Variants in WDR27 observed in about 807,000 individuals in gnomAD.
WDR27 encodes the protein WD repeat domain 27.
A neutral mutation model predicts 114.4 loss-of-function variants in WDR27; 100 were observed. The ratio of observed to expected loss-of-function variants is 0.87; its 90% confidence interval spans 0.74 to 1.03. WDR27 has a LOEUF of 1.03. Among genes scored for constraint, WDR27 ranks in the 50% least tolerant of loss-of-function variants. WDR27 has a pLI of 0.00. For synonymous variants in WDR27, 449 were observed against 423.1 expected (o/e 1.06, Z -0.75); for missense variants, 1,129 against 1,092.9 (o/e 1.03, Z -0.47).
intron 6 of WDR27, chr6:169,666,513 G>A: frequency 1.0e-6 from 1 of 985,520 alleles, no homozygotes; most frequent in Non-Finnish European, 1.2e-6. Flanking sequence ...GGAAACCAGT[G>A]CCCTAAGATG....
rs982262796 is a variant in WDR27, at chr6:169,666,754, G to A, written c.712+382C>T. ...GACCATGAGGCCAGGTGTGGCGCACGCCCAAGCTCACGCTGGATGGACAGG... is the reference window on the plus strand; with the variant it reads ...GACCATGAGGCCAGGTGTGGCGCACACCCAAGCTCACGCTGGATGGACAGG... On this transcript the variant is annotated intron_variant, in intron 6 of 25. Transcript: ENST00000448612. 38 of 995,542 alleles carry A rather than the reference G, an allele frequency of 3.8e-5. No individual in the cohort carries two copies. In the South Asian group the frequency reaches 9.8e-4, roughly 26 times the overall value. The allele number at this position is 995,542 out of a possible 1,614,324, so 61.7% of individuals were successfully genotyped here.
chr6:169,457,505 C>A lies in WDR27; in HGVS notation c.*87G>T. On this transcript the variant is annotated 3_prime_UTR_variant, in exon 26 of 26. Coordinates refer to ENST00000448612, the MANE Select transcript of WDR27 (RefSeq NM_182552.5). ...ATGAAAAACAGTTGCTGCTTCTGGC[C>A]CCCTGATGGATGAACCACTACTTCT... The A allele has an allele frequency of 8.6e-7, 1 of 1,160,370 alleles. No homozygotes were observed. Among genetic ancestry groups the A allele is most frequent in the Non-Finnish European group, 1.2e-6 (1 of 832,780 alleles). The allele number at this position is 1,160,370 out of a possible 1,614,324, so 71.9% of individuals were successfully genotyped here. A position where few individuals can be genotyped will look rare whatever the true frequency, so the allele number is the denominator to read the frequency against.
At chr6:169,644,138 A>C (rs1447090575) in intron 16 of WDR27, among the ~76,000 whole-genome samples, 2 of 150,058 alleles carry the variant, frequency 1.3e-5, no homozygotes, top group African/African-American at 4.9e-5. Context: ...TGAAAAGCCT[A>C]GTTCACAGGA....
At chr6:169,445,107 C>A in the WDR27 span, among the ~76,000 whole-genome samples, 1 of 152,200 alleles carries the variant, frequency 6.6e-6, no homozygotes, top group Non-Finnish European at 1.5e-5. Context: ...GTGGTCCCAG[C>A]CCACTGAGCT....
intron 1 of WDR27, among the ~76,000 whole-genome samples, chr6:169,699,099 G>A (rs1787100154): frequency 6.6e-6 from 1 of 152,122 alleles, no homozygotes; most frequent in African/African-American, 2.4e-5. Context: ...CTTACCACAG[G>A]CTTACTCTCC....
intron 25 of WDR27, among the ~76,000 whole-genome samples, chr6:169,548,505 T>A (rs1261464885): frequency 6.6e-6 from 1 of 152,234 alleles, no homozygotes; most frequent in African/African-American, 2.4e-5. Flanking sequence ...ATACATGTAT[T>A]GAAACATCAC....
chr6:169,577,828 T>C (rs1562617604), intron 24 of WDR27, among the ~76,000 whole-genome samples: 2 of 152,158 alleles, frequency 1.3e-5, no homozygotes, highest in Admixed American at 1.3e-4. Context: ...TCTCCTCCCC[T>C]TGGGCTAGGA....
In WDR27 at chr6:169,662,367, G is replaced by C; in HGVS notation, c.962C>G (p.Thr321Arg). The change falls in exon 9 of 26, where the codon ACA (threonine) becomes AGA (arginine). Residue 321 changes from threonine (T) to arginine (R), a missense_variant. By Grantham distance (71) the Thr-to-Arg change is moderately conservative. Coordinates refer to ENST00000448612, the MANE Select transcript of WDR27 (RefSeq NM_182552.5). Reference sequence around the variant, plus strand: ...GGGTGCAAGTCTCAGTACAGGAAATGTTACTTCAACCTGCTCTCCTTTTCC... The same window carrying C: ...GGGTGCAAGTCTCAGTACAGGAAATCTTACTTCAACCTGCTCTCCTTTTCC... ...ALGKGEQVEV[T>R]FPVLRLAPCD... is the part of the protein sequence containing the mutation. The C allele has an allele frequency of 6.2e-7, 1 of 1,614,070 alleles. No homozygotes were observed. The highest frequency in any genetic ancestry group is 8.5e-7 in the Non-Finnish European group (1 of 1,179,898).
chr6:169,648,478 C>A (rs1821376674), intron 15 of WDR27, among the ~76,000 whole-genome samples: 1 of 152,232 alleles, frequency 6.6e-6, no homozygotes, highest in South Asian at 2.1e-4. Context: ...CACATTTCAC[C>A]TGCATAAGGC....
At chr6:169,516,586 A>C (rs1793673454) in intron 25 of WDR27, among the ~76,000 whole-genome samples, 1 of 152,008 alleles carries the variant, frequency 6.6e-6, no homozygotes, top group Admixed American at 6.6e-5. Flanking sequence ...CAAACCAAAA[A>C]CCTTGAGAGG....
intron 25 of WDR27, among the ~76,000 whole-genome samples, chr6:169,493,136 T>C (rs578134837): frequency 7.9e-5 from 12 of 152,120 alleles, no homozygotes; most frequent in African/African-American, 2.9e-4. Context: ...AATTATAAAA[T>C]TGGATTAATA....
chr6:169,504,088 T>C (rs1040651157), intron 25 of WDR27, among the ~76,000 whole-genome samples: 11 of 152,102 alleles, frequency 7.2e-5, no homozygotes, highest in African/African-American at 2.7e-4. Context: ...AAAAGATAGA[T>C]GAACAGTGTG....
At chr6:169,654,926 G>T (rs1208279184) in intron 13 of WDR27, among the ~76,000 whole-genome samples, 1 of 152,204 alleles carries the variant, frequency 6.6e-6, no homozygotes, top group Non-Finnish European at 1.5e-5. Flanking sequence ...GACAGTGCGG[G>T]ATCATCATCA....
chr6:169,474,177 TA>T (rs1255012061), intron 25 of WDR27, among the ~76,000 whole-genome samples: 4 of 152,188 alleles, frequency 2.6e-5, no homozygotes, highest in African/African-American at 9.7e-5. Flanking sequence ...TATAACCAAC[TA>T]GAGAAACTAA....
At position 169,643,557 on chromosome 6, in the gene WDR27, G is replaced by A. The variant is rs1272405385; in HGVS notation, c.1747+140C>T. 6.2e-6 allele frequency: 4 copies of A among 643,940 alleles called. No individual in the cohort carries two copies. The East Asian group carries it at 1.1e-4, about 18-fold the overall frequency. The allele number at this position is 643,940 out of a possible 1,614,324, so 39.9% of individuals were successfully genotyped here. On this transcript the variant is annotated intron_variant, in intron 17 of 25. Transcript: ENST00000448612. ...TTGGTTGAAGATCTCAGTAAATCTA[G>A]TTTAGACTCCAATTCAAGCCATGGC...
At chr6:169,639,002 C>T (rs1046664358) in intron 17 of WDR27, among the ~76,000 whole-genome samples, 4 of 149,186 alleles carry the variant, frequency 2.7e-5, no homozygotes, top group East Asian at 2.0e-4. Context: ...CTGGGTACTG[C>T]GTGGTGCTGG....
At chr6:169,548,112 A>G (rs968529185) in intron 25 of WDR27, among the ~76,000 whole-genome samples, 3 of 152,192 alleles carry the variant, frequency 2.0e-5, no homozygotes, top group African/African-American at 7.2e-5. Flanking sequence ...TGAAACAGGT[A>G]TAAATCTATC....
chr6:169,427,315 T>TA, the WDR27 span, among the ~76,000 whole-genome samples: 3 of 152,086 alleles, frequency 2.0e-5, no homozygotes, highest in Non-Finnish European at 2.9e-5. Flanking sequence ...CCCTGGGATT[T>TA]AGAGTGTGAT....
intron 25 of WDR27, among the ~76,000 whole-genome samples, chr6:169,494,978 T>G (rs1324790565): frequency 3.3e-5 from 5 of 152,168 alleles, no homozygotes; most frequent in Non-Finnish European, 7.4e-5. Context: ...GCACAAACAT[T>G]AAAAACCACA....
Sources: allele counts gnomAD v4.1 joint callset (sites outside exome capture counted in the v4.1 genomes callset), GRCh38; gene constraint gnomAD v4.1.1; transcripts MANE v1.5; gene names NCBI Gene and HGNC (gene_info 2026-07-23, HGNC 2026-07-21).